The following TENM4 variants were observed in gnomAD, a reference collection of about 807,000 sequenced individuals.
TENM4 encodes teneurin-4.
In TENM4, 82 loss-of-function variants were observed where a neutral mutation model predicts 243.3. The observed-to-expected ratio is 0.34, with a 90% CI of 0.28 to 0.40. The LOEUF is 0.40. Ranked by LOEUF, TENM4 falls within the 10% of genes least tolerant of loss-of-function variation. The pLI is 1.00. For missense variants in TENM4, 3,138 were observed against 3,673.3 expected (o/e 0.85, Z 3.77); for synonymous variants, 1,412 against 1,456.3 (o/e 0.97, Z 0.69).
chr11:79,271,372 C>T (rs1212755502), intron 2 of TENM4, among the ~76,000 whole-genome samples: 2 of 152,226 alleles, frequency 1.3e-5, no homozygotes, highest in Non-Finnish European at 2.9e-5. Context: ...AAGCCACTTG[C>T]TCCTCTAGGT....
At chr11:79,114,976 C>A (rs1353409996) in intron 4 of TENM4, among the ~76,000 whole-genome samples, 2 of 152,122 alleles carry the variant, frequency 1.3e-5, no homozygotes, top group Admixed American at 1.3e-4. Flanking sequence ...AGGAATATAG[C>A]TGTGAATAAA....
intron 2 of TENM4, among the ~76,000 whole-genome samples, chr11:79,220,719 C>T (rs1200806812): frequency 1.3e-5 from 2 of 152,168 alleles, no homozygotes; most frequent in African/African-American, 4.8e-5. Context: ...AATTATTCAT[C>T]TTTACAACTT....
rs1452958251 is a variant in TENM4 at position 78,952,307 on chromosome 11, TG to T, written c.494-48785del. Among the ~76,000 whole-genome samples the T allele has an allele frequency of 5.9e-5, 9 of 152,214 alleles. No individual in the cohort carries two copies. In the South Asian group the frequency reaches 8.3e-4, roughly 14 times the overall value. ...CACTGACCAGAGGCTGTGTTGAATC[TG>T]CATGAAAGTAATAAACTCGAGGAAG... On this transcript the variant is annotated intron_variant, in intron 6 of 33. Coordinates refer to ENST00000278550, the MANE Select transcript of TENM4 (RefSeq NM_001098816.3).
chr11:79,111,265 G>C (rs191672122), intron 4 of TENM4, among the ~76,000 whole-genome samples: 5 of 152,228 alleles, frequency 3.3e-5, no homozygotes, highest in Admixed American at 2.6e-4. Flanking sequence ...TCTTTTTCTG[G>C]CCAGGCGCCG....
chr11:79,086,800 C>T (rs1591271767), intron 4 of TENM4, among the ~76,000 whole-genome samples: 2 of 145,734 alleles, frequency 1.4e-5, no homozygotes, highest in African/African-American at 5.2e-5. Context: ...TTCCATTGCA[C>T]TCCAGCCTGG....
intron 1 of TENM4, among the ~76,000 whole-genome samples, chr11:79,413,673 T>A (rs527837548): frequency 6.6e-6 from 1 of 152,048 alleles, no homozygotes; most frequent in African/African-American, 2.4e-5. Flanking sequence ...GTATCCTAGT[T>A]TAGGAGAAAA....
At chr11:79,143,064 T>C (rs1374347867) in intron 4 of TENM4, among the ~76,000 whole-genome samples, 1 of 152,138 alleles carries the variant, frequency 6.6e-6, no homozygotes, top group Admixed American at 6.6e-5. Flanking sequence ...AGGAACACTT[T>C]TACGCTGTTG....
chr11:78,869,600 C>G (rs893867369), intron 9 of TENM4, among the ~76,000 whole-genome samples: 1 of 152,154 alleles, frequency 6.6e-6, no homozygotes, highest in Non-Finnish European at 1.5e-5. Context: ...CTCACTCAAT[C>G]TTTACATGAA....
intron 5 of TENM4, among the ~76,000 whole-genome samples, chr11:79,066,607 T>C (rs749605052): frequency 6.7e-6 from 1 of 148,562 alleles, no homozygotes; most frequent in Non-Finnish European, 1.5e-5. Flanking sequence ...CACACGCGCG[T>C]GCACACACAC....
chr11:79,172,632 A>G (rs1229877017), intron 3 of TENM4, among the ~76,000 whole-genome samples: 1 of 150,916 alleles, frequency 6.6e-6, no homozygotes, highest in Non-Finnish European at 1.5e-5. Context: ...TGCTTAGACA[A>G]CAGCAGGAGT....
intron 6 of TENM4, among the ~76,000 whole-genome samples, chr11:79,063,177 C>T (rs905570678): frequency 6.6e-6 from 1 of 152,140 alleles, no homozygotes; most frequent in Non-Finnish European, 1.5e-5. Context: ...GATACATTTC[C>T]CCCACCTGAC....
At chr11:78,997,668 G>T (rs1298328971) in intron 6 of TENM4, among the ~76,000 whole-genome samples, 12 of 152,258 alleles carry the variant, frequency 7.9e-5, no homozygotes, top group African/African-American at 2.9e-4. Context: ...CTGAAGTTTG[G>T]CTTTGATGAA....
chr11:79,413,431 C>T (rs1253360576), intron 1 of TENM4, among the ~76,000 whole-genome samples: 1 of 152,224 alleles, frequency 6.6e-6, no homozygotes, highest in African/African-American at 2.4e-5. Flanking sequence ...CCCCGCCTCC[C>T]TGGCACGCTC....
chr11:78,894,331 A>C (rs1855739134), intron 7 of TENM4, among the ~76,000 whole-genome samples: 1 of 152,196 alleles, frequency 6.6e-6, no homozygotes, highest in South Asian at 2.1e-4. Context: ...TTTAAGATAC[A>C]GAGTCAAATT....
intron 1 of TENM4, among the ~76,000 whole-genome samples, chr11:79,433,158 A>T (rs1051742243): frequency 6.6e-6 from 1 of 152,206 alleles, no homozygotes; most frequent in Non-Finnish European, 1.5e-5. Context: ...CATGATTATG[A>T]CTTTCTGAAA....
At chr11:78,793,244 A>G (rs1023811144) in intron 15 of TENM4, among the ~76,000 whole-genome samples, 1 of 152,188 alleles carries the variant, frequency 6.6e-6, no homozygotes, top group African/African-American at 2.4e-5. Context: ...AAAGATGCTC[A>G]AAACTGATAC....
chr11:79,108,017 T>G (rs147030982), intron 4 of TENM4, among the ~76,000 whole-genome samples: 1 of 152,226 alleles, frequency 6.6e-6, no homozygotes, highest in Admixed American at 6.5e-5. Context: ...AATAGATGCT[T>G]AATTCATGGG....
At chr11:78,798,442 T>C (rs1410440724) in intron 15 of TENM4, among the ~76,000 whole-genome samples, 6 of 152,322 alleles carry the variant, frequency 3.9e-5, no homozygotes, top group Non-Finnish European at 1.5e-5. Flanking sequence ...GATCTGAGTG[T>C]GAATTCTGGA....
intron 18 of TENM4, among the ~76,000 whole-genome samples, chr11:78,759,823 A>G (rs189648275): frequency 6.6e-6 from 1 of 152,334 alleles, no homozygotes; most frequent in Admixed American, 6.5e-5. Context: ...TCAAAGTGGT[A>G]AAGCAACTTG....
Sources: gnomAD v4.1 joint callset for allele counts (sites outside exome capture counted in the v4.1 genomes callset) on GRCh38, gnomAD v4.1.1 for gene constraint, MANE v1.5 for transcripts, NCBI Gene and HGNC (gene_info 2026-07-23, HGNC 2026-07-21) for gene names.